Variants in GALNTL6 observed in about 807,000 individuals in gnomAD.
The protein encoded by GALNTL6 is polypeptide N-acetylgalactosaminyltransferase-like 6.
GALNTL6 carries 46 observed loss-of-function variants against 73.7 expected under a neutral mutation model. The ratio of observed to expected loss-of-function variants is 0.62; its 90% CI spans 0.49 to 0.80. GALNTL6 has a LOEUF of 0.80. GALNTL6 is among the 30% of genes least tolerant of loss of function. The pLI is 0.00. For synonymous variants in GALNTL6, 259 were observed against 263.7 expected, an observed-to-expected ratio of 0.98 and a Z score of 0.17; for missense variants, 604 against 755.0, an observed-to-expected ratio of 0.80 and a Z score of 2.34.
At chr4:172,256,794 A>G (rs1738094349) in intron 3 of GALNTL6, among the ~76,000 whole-genome samples, 1 of 151,328 alleles carries the variant, frequency 6.6e-6, no homozygotes. Flanking sequence ...ATAGATGTTA[A>G]TTAATAGATT....
intron 9 of GALNTL6, among the ~76,000 whole-genome samples, chr4:172,941,532 C>G (rs1432352054): frequency 6.6e-6 from 1 of 152,098 alleles, no homozygotes; most frequent in Non-Finnish European, 1.5e-5. Context: ...TTTTTCAAAG[C>G]ACTTGAGAAA....
chr4:171,965,657 G>GAAGA (rs1739363844), intron 2 of GALNTL6, among the ~76,000 whole-genome samples: 1 of 100,364 alleles, frequency 1.0e-5, no homozygotes, highest in East Asian at 3.0e-4. Context: ...CTCCGTCTCA[G>GAAGA]AAAAAAAAAA....
At position 172,206,805 on chromosome 4, in the gene GALNTL6, G is replaced by GTTTTTTTTTTTTTTTT. The variant is rs778156050; in HGVS notation, c.139-22843_139-22842insTTTTTTTTTTTTTTTT. On this transcript the variant is annotated intron_variant, in intron 2 of 12. Coordinates refer to ENST00000506823, the MANE Select transcript of GALNTL6 (RefSeq NM_001034845.3). ...TTGTTTTGTTTTGTTTTGTTTTTCT[G>GTTTTTTTTTTTTTTTT]TTTTTTTTGTTTGTTTTTTTTTTTT... 1.6e-3 allele frequency among the ~76,000 whole-genome samples: 43 copies of GTTTTTTTTTTTTTTTT among 26,170 alleles called. 4 individuals carry two copies. Among genetic ancestry groups the GTTTTTTTTTTTTTTTT allele is most frequent in the African/African-American group, 2.8e-3 (30 of 10,554 alleles). The allele number at this position is 26,170 out of a possible 152,430, so 17.2% of individuals were successfully genotyped here. A position where few individuals can be genotyped will look rare whatever the true frequency, so the allele number is the denominator to read the frequency against.
rs764864879 is a variant in GALNTL6, at chr4:172,897,260, A to G, written c.1041+14353A>G. Among the ~76,000 whole-genome samples the G allele has an allele frequency of 1.3e-4, 20 of 151,594 alleles. 1 individual carries two copies. Among genetic ancestry groups the G allele is most frequent in the Non-Finnish European group, 2.4e-4 (16 of 67,888 alleles). ...CAGACAGGATAGTCCTCTGATTGCA[A>G]CAGGAGGGTTTAGAGCTGGGAGTAG... On this transcript the variant is annotated intron_variant, in intron 8 of 12. Coordinates refer to ENST00000506823, the MANE Select transcript of GALNTL6 (RefSeq NM_001034845.3).
chr4:172,743,146 ATTCTATGGAGGCT>A (rs1272523554), intron 5 of GALNTL6, among the ~76,000 whole-genome samples: 2 of 152,040 alleles, frequency 1.3e-5, no homozygotes, highest in African/African-American at 2.4e-5. Flanking sequence ...ATGTGCTGTA[ATTCTATGGAGGCT>A]TGCCAGGAGT....
chr4:172,361,430 A>C (rs567421501), intron 5 of GALNTL6, among the ~76,000 whole-genome samples: 1 of 152,236 alleles, frequency 6.6e-6, no homozygotes, highest in South Asian at 2.1e-4. Flanking sequence ...GCTGAAGGCC[A>C]ATGTACATAG....
intron 4 of GALNTL6, among the ~76,000 whole-genome samples, chr4:172,346,301 T>C (rs1741738235): frequency 6.6e-6 from 1 of 152,240 alleles, no homozygotes; most frequent in Non-Finnish European, 1.5e-5. Flanking sequence ...CAACAGTACA[T>C]GGTCAAAATT....
intron 2 of GALNTL6, among the ~76,000 whole-genome samples, chr4:171,879,733 A>G (rs1047070983): frequency 5.9e-5 from 9 of 152,182 alleles, no homozygotes; most frequent in Non-Finnish European, 7.4e-5. Context: ...TTTCAATGTC[A>G]GGGCTTTCCC....
At chr4:172,419,487 A>G (rs1290999229) in intron 5 of GALNTL6, among the ~76,000 whole-genome samples, 1 of 152,070 alleles carries the variant, frequency 6.6e-6, no homozygotes, top group Non-Finnish European at 1.5e-5. Flanking sequence ...ATGTCTTTGC[A>G]ACATTTAATA....
chr4:172,513,473 T>G (rs1734496019), intron 5 of GALNTL6, among the ~76,000 whole-genome samples: 2 of 152,200 alleles, frequency 1.3e-5, no homozygotes, highest in African/African-American at 4.8e-5. Context: ...AGGGTGATCT[T>G]TTGGGGGTGT....
chr4:171,903,782 C>T (rs7669819), intron 2 of GALNTL6, among the ~76,000 whole-genome samples: 79,476 of 150,782 alleles, frequency 0.53, 21,411 homozygotes, highest in Middle Eastern at 0.66. Flanking sequence ...TCTCCCAGCA[C>T]GCAGCTGGAG....
chr4:172,757,410 G>C (rs930030541), intron 5 of GALNTL6, among the ~76,000 whole-genome samples: 2 of 152,098 alleles, frequency 1.3e-5, no homozygotes, highest in African/African-American at 4.8e-5. Flanking sequence ...AACCCAACTG[G>C]GTTATAGGAT....
intron 5 of GALNTL6, among the ~76,000 whole-genome samples, chr4:172,762,778 T>A (rs1738186543): frequency 7.4e-5 from 2 of 27,080 alleles, no homozygotes; most frequent in Non-Finnish European, 7.0e-5. Flanking sequence ...AACAGCAGAT[T>A]CACTCAAAAA....
chr4:172,763,353 G>T (rs1262791833), intron 5 of GALNTL6, among the ~76,000 whole-genome samples: 4 of 152,130 alleles, frequency 2.6e-5, no homozygotes, highest in Non-Finnish European at 5.9e-5. Flanking sequence ...CCCAGTCTTA[G>T]ATTTATTTTC....
chr4:172,646,647 C>T (rs1740256441), intron 5 of GALNTL6, among the ~76,000 whole-genome samples: 1 of 151,790 alleles, frequency 6.6e-6, no homozygotes, highest in Admixed American at 6.6e-5. Context: ...TACACTAATC[C>T]CTTGTAATAA....
chr4:172,248,341 A>G (rs1449841636), intron 3 of GALNTL6, among the ~76,000 whole-genome samples: 1 of 152,202 alleles, frequency 6.6e-6, no homozygotes. Flanking sequence ...CCCTTAGCAG[A>G]GCTCTGTCTA....
intron 5 of GALNTL6, among the ~76,000 whole-genome samples, chr4:172,615,264 CA>C (rs766996029): frequency 6.6e-6 from 1 of 150,682 alleles, no homozygotes; most frequent in Non-Finnish European, 1.5e-5. Flanking sequence ...GAGGGTGAAA[CA>C]TGCTCCTGTT....
intron 7 of GALNTL6, among the ~76,000 whole-genome samples, chr4:172,879,790 A>G (rs113751071): frequency 0.01 from 1,549 of 152,096 alleles, 25 homozygotes; most frequent in African/African-American, 0.033. Context: ...AATGAAATAT[A>G]AAACAGTAAA....
chr4:172,371,719 C>T (rs1351688476), intron 5 of GALNTL6, among the ~76,000 whole-genome samples: 1 of 151,980 alleles, frequency 6.6e-6, no homozygotes, highest in Non-Finnish European at 1.5e-5. Context: ...CTGTCTCTTT[C>T]TCTCTTTCCT....
Sources: gnomAD v4.1 joint callset for allele counts (sites outside exome capture counted in the v4.1 genomes callset) on GRCh38, gnomAD v4.1.1 for gene constraint, MANE v1.5 for transcripts, NCBI Gene and HGNC (gene_info 2026-07-23, HGNC 2026-07-21) for gene names.